Variants in CNTNAP2 observed in about 807,000 individuals in gnomAD.
CNTNAP2 encodes the protein contactin-associated protein-like 2.
A neutral mutation model predicts 155.2 loss-of-function variants in CNTNAP2; 98 were observed. That is an observed-to-expected ratio of 0.63 (90% CI 0.54 to 0.75). The LOEUF is 0.75. Among genes scored for constraint, CNTNAP2 ranks in the 30% least tolerant of loss-of-function variants. The probability of loss-of-function intolerance (pLI) is 0.00; values close to 1 mark genes in which losing one functional copy is unlikely to be tolerated. For synonymous variants in CNTNAP2, 651 were observed against 631.2 expected (o/e 1.03, Z -0.47); for missense variants, 1,727 against 1,688.1 (o/e 1.02, Z -0.40).
At chr7:147,135,590 T>C (rs1185976099) in intron 8 of CNTNAP2, among the ~76,000 whole-genome samples, 1 of 151,834 alleles carries the variant, frequency 6.6e-6, no homozygotes, top group Non-Finnish European at 1.5e-5. Context: ...ATTTTAACTT[T>C]AAAATTCAAA....
intron 4 of CNTNAP2, among the ~76,000 whole-genome samples, chr7:147,048,654 C>T (rs1031656278): frequency 5.3e-5 from 8 of 152,092 alleles, no homozygotes; most frequent in African/African-American, 1.7e-4. Flanking sequence ...TGGCTACTAG[C>T]ATGTGAAATA....
At chr7:147,750,207 C>T (rs1462615774) in intron 13 of CNTNAP2, among the ~76,000 whole-genome samples, 1 of 152,096 alleles carries the variant, frequency 6.6e-6, no homozygotes, top group East Asian at 1.9e-4. Flanking sequence ...TTGGATTTTA[C>T]ATAGAAAAAC....
intron 1 of CNTNAP2, among the ~76,000 whole-genome samples, chr7:146,557,416 G>A (rs12154459): frequency 0.24 from 36,081 of 151,872 alleles, 4,862 homozygotes; most frequent in East Asian, 0.5. Context: ...GAACCTCACT[G>A]TATTCTCTAA....
At chr7:147,414,802 G>A (rs928411895) in intron 10 of CNTNAP2, among the ~76,000 whole-genome samples, 40 of 151,794 alleles carry the variant, frequency 2.6e-4, no homozygotes, top group African/African-American at 7.7e-4. Flanking sequence ...TTAGCTGGGC[G>A]AGGTGGTGGG....
chr7:146,808,477 TCTGA>T (rs1278942824), intron 2 of CNTNAP2, among the ~76,000 whole-genome samples: 1 of 152,182 alleles, frequency 6.6e-6, no homozygotes. Context: ...TTTGCTCACT[TCTGA>T]CTTTGTAACT....
chr7:147,510,743 G>A (rs1459566583), intron 11 of CNTNAP2, among the ~76,000 whole-genome samples: 1 of 150,106 alleles, frequency 6.7e-6, no homozygotes. Flanking sequence ...AAAAGGCTTG[G>A]TAGGTTAATA....
intron 13 of CNTNAP2, among the ~76,000 whole-genome samples, chr7:147,659,840 C>T (rs1795584488): frequency 6.6e-6 from 1 of 151,738 alleles, no homozygotes; most frequent in Non-Finnish European, 1.5e-5. Flanking sequence ...GCCTTTTTCC[C>T]CTAAGAGATT....
chr7:146,721,512 T>C (rs192267578), intron 1 of CNTNAP2, among the ~76,000 whole-genome samples: 14,381 of 123,062 alleles, frequency 0.12, 1,778 homozygotes, highest in African/African-American at 0.3. Context: ...ATTCTATATA[T>C]ACATTCTATA....
chr7:147,621,464 AAAC>A (rs1174161398), intron 12 of CNTNAP2, among the ~76,000 whole-genome samples: 3 of 152,026 alleles, frequency 2.0e-5, no homozygotes, highest in African/African-American at 7.3e-5. Flanking sequence ...ATATAAATAG[AAAC>A]AACAAAAAGT....
At chr7:147,604,078 G>A (rs1801010040) in intron 12 of CNTNAP2, among the ~76,000 whole-genome samples, 1 of 152,000 alleles carries the variant, frequency 6.6e-6, no homozygotes, top group Non-Finnish European at 1.5e-5. Context: ...AATTCAAGAT[G>A]GATTAAAGAC....
At chr7:147,669,404 C>A (rs1795750939) in intron 13 of CNTNAP2, among the ~76,000 whole-genome samples, 1 of 152,014 alleles carries the variant, frequency 6.6e-6, no homozygotes, top group Non-Finnish European at 1.5e-5. Flanking sequence ...TGCATAGGTC[C>A]CTAATTAATT....
At chr7:146,394,056 G>A (rs114823581) in intron 1 of CNTNAP2, among the ~76,000 whole-genome samples, 3,541 of 152,226 alleles carry the variant, frequency 0.023, 157 homozygotes, top group African/African-American at 0.081. Context: ...ATCCAAAGGA[G>A]TTGATAGATG....
chr7:147,579,963 A>G (rs1300321666), intron 12 of CNTNAP2, among the ~76,000 whole-genome samples: 6 of 152,204 alleles, frequency 3.9e-5, no homozygotes, highest in African/African-American at 7.2e-5. Flanking sequence ...TACAATTCAC[A>G]AATTGTCAAA....
At chr7:147,530,783 C>A (rs1799417662) in intron 11 of CNTNAP2, among the ~76,000 whole-genome samples, 1 of 152,110 alleles carries the variant, frequency 6.6e-6, no homozygotes, top group Admixed American at 6.6e-5. Context: ...CAATAGTCCC[C>A]CAAAGTCTTA....
chr7:146,980,296 A>G (rs1224696985), intron 3 of CNTNAP2, among the ~76,000 whole-genome samples: 1 of 152,194 alleles, frequency 6.6e-6, no homozygotes, highest in African/African-American at 2.4e-5. Flanking sequence ...AATGCTATGA[A>G]AAAGCTAATA....
chr7:146,787,335 T>A (rs1304574915), intron 2 of CNTNAP2, among the ~76,000 whole-genome samples: 1 of 151,978 alleles, frequency 6.6e-6, no homozygotes, highest in Non-Finnish European at 1.5e-5. Context: ...GCGGTGAGGG[T>A]TACAGTTCTT....
intron 1 of CNTNAP2, among the ~76,000 whole-genome samples, chr7:146,210,997 G>T (rs1200668614): frequency 1.3e-5 from 2 of 152,114 alleles, no homozygotes; most frequent in Non-Finnish European, 1.5e-5. Context: ...TGAAAGGAAA[G>T]TGAAATTGAA....
At chr7:146,572,769 CAAGA>C (rs57129931) in intron 1 of CNTNAP2, among the ~76,000 whole-genome samples, 42,218 of 151,794 alleles carry the variant, frequency 0.28, 5,978 homozygotes, top group East Asian at 0.48. Context: ...TTGAATTCCC[CAAGA>C]TATAGTACAT....
At chr7:148,181,110 C>T (rs1261304993) in intron 18 of CNTNAP2, among the ~76,000 whole-genome samples, 1 of 152,170 alleles carries the variant, frequency 6.6e-6, no homozygotes, top group Non-Finnish European at 1.5e-5. Flanking sequence ...AAGAGTTACA[C>T]CATTGGCTTC....
Sources: allele counts gnomAD v4.1 joint callset (sites outside exome capture counted in the v4.1 genomes callset), GRCh38; gene constraint gnomAD v4.1.1; transcripts MANE v1.5; gene names NCBI Gene and HGNC (gene_info 2026-07-23, HGNC 2026-07-21).